The following RARB variants were observed in gnomAD, a reference collection of about 807,000 sequenced individuals.
RARB encodes the protein retinoic acid receptor beta.
A neutral mutation model predicts 51.9 loss-of-function variants in RARB; 17 were observed. That is an observed-to-expected ratio of 0.33 (90% CI 0.22 to 0.49). The LOEUF is 0.49. RARB is among the 20% of genes least tolerant of loss of function. The pLI, the probability that RARB is intolerant of heterozygous loss-of-function variation, is 0.99. For missense variants in RARB, 369 were observed against 550.8 expected, an observed-to-expected ratio of 0.67 and a Z score of 3.30; for synonymous variants, 215 against 195.4, an observed-to-expected ratio of 1.10 and a Z score of -0.84.
At chr3:25,431,737 GA>G (rs1357112418) in intron 1 of RARB, among the ~76,000 whole-genome samples, 1 of 151,992 alleles carries the variant, frequency 6.6e-6, no homozygotes, top group Non-Finnish European at 1.5e-5. Flanking sequence ...AAAGGAAAAA[GA>G]AAAAAATATT....
At chr3:25,253,341 G>A (rs1702777315) in intron 5 of RARB, among the ~76,000 whole-genome samples, 1 of 152,064 alleles carries the variant, frequency 6.6e-6, no homozygotes, top group Non-Finnish European at 1.5e-5. Context: ...GCATCAACAA[G>A]AAAATTTTAC....
Position 25,258,410 on chromosome 3 carries a change from G to A in RARB, c.178+83835G>A, listed in dbSNP as rs78594099. Among the ~76,000 whole-genome samples, 702 of 152,202 alleles carry A rather than the reference G, an allele frequency of 4.6e-3. 8 individuals carry two copies. Among genetic ancestry groups the A allele is most frequent in the Middle Eastern group, 0.014 (4 of 294 alleles). ...GTAGGCAGAATGCAGGATTCCTCAGGGAAATGTTAATCAGAATAGAAGCTG... is the reference window on the plus strand; with the variant it reads ...GTAGGCAGAATGCAGGATTCCTCAGAGAAATGTTAATCAGAATAGAAGCTG... On this transcript the variant is annotated intron_variant, in intron 5 of 11. Transcript: ENST00000383772.
chr3:25,186,725 G>A (rs1374078831), intron 5 of RARB, among the ~76,000 whole-genome samples: 1 of 151,672 alleles, frequency 6.6e-6, no homozygotes, highest in African/African-American at 2.4e-5. Flanking sequence ...ATAAATTGTA[G>A]AAAAGAAATG....
chr3:24,854,987 A>AT (rs1702613255), intron 1 of RARB, among the ~76,000 whole-genome samples: 1 of 152,188 alleles, frequency 6.6e-6, no homozygotes, highest in Admixed American at 6.5e-5. Flanking sequence ...AGGTTTGAGA[A>AT]TTACCATCCT....
At chr3:25,092,900 T>C (rs181467809) in intron 3 of RARB, among the ~76,000 whole-genome samples, 1 of 152,286 alleles carries the variant, frequency 6.6e-6, no homozygotes, top group East Asian at 1.9e-4. Flanking sequence ...AGATGACTTA[T>C]TCTACAGCTA....
chr3:25,164,346 C>T (rs1409590877), intron 4 of RARB, among the ~76,000 whole-genome samples: 1 of 152,156 alleles, frequency 6.6e-6, no homozygotes, highest in Non-Finnish European at 1.5e-5. Flanking sequence ...GTGTCCTTAA[C>T]CTGCTTCATA....
At chr3:25,222,536 AC>A (rs1701969546) in intron 5 of RARB, among the ~76,000 whole-genome samples, 3 of 152,132 alleles carry the variant, frequency 2.0e-5, no homozygotes. Flanking sequence ...CAATGATGCC[AC>A]TCCAATAAAT....
chr3:25,117,623 C>G (rs1202628523), intron 3 of RARB, among the ~76,000 whole-genome samples: 1 of 152,020 alleles, frequency 6.6e-6, no homozygotes, highest in Non-Finnish European at 1.5e-5. Flanking sequence ...ATTTTAGTGG[C>G]CAAGGAGAGA....
chr3:24,960,881 T>C (rs746946637), intron 2 of RARB, among the ~76,000 whole-genome samples: 2 of 152,130 alleles, frequency 1.3e-5, no homozygotes, highest in African/African-American at 4.8e-5. Flanking sequence ...TAAAAATGTT[T>C]GGTAGGATTG....
intron 5 of RARB, among the ~76,000 whole-genome samples, chr3:25,230,669 T>G (rs1702156834): frequency 1.3e-5 from 2 of 152,044 alleles, no homozygotes; most frequent in African/African-American, 4.8e-5. Context: ...GAAATATTCT[T>G]TGATTTATAG....
chr3:25,538,603 A>G (rs1435547922), intron 3 of RARB, among the ~76,000 whole-genome samples: 1 of 152,206 alleles, frequency 6.6e-6, no homozygotes, highest in Non-Finnish European at 1.5e-5. Flanking sequence ...AAACTTCAGC[A>G]ACTTGATACT....
At chr3:24,919,493 C>T (rs995386566) in intron 2 of RARB, among the ~76,000 whole-genome samples, 14 of 151,824 alleles carry the variant, frequency 9.2e-5, no homozygotes, top group East Asian at 1.9e-4. Context: ...GTAACCAATC[C>T]GGCTGTTTCT....
intron 5 of RARB, among the ~76,000 whole-genome samples, chr3:25,277,885 C>T (rs150842010): frequency 2.0e-5 from 3 of 152,306 alleles, no homozygotes; most frequent in African/African-American, 7.2e-5. Flanking sequence ...TTTATAGTCA[C>T]TACTCTCCCA....
intron 3 of RARB, among the ~76,000 whole-genome samples, chr3:25,552,223 G>A (rs2125669259): frequency 6.6e-6 from 1 of 152,208 alleles, no homozygotes; most frequent in Non-Finnish European, 1.5e-5. Context: ...CCTGAATTTG[G>A]TCAAAAGATT....
chr3:25,438,671 G>T (rs80192676), intron 1 of RARB, among the ~76,000 whole-genome samples: 22,462 of 152,104 alleles, frequency 0.15, 2,031 homozygotes, highest in Non-Finnish European at 0.21. Context: ...TTTTCTCTAG[G>T]CTCCATGTGC....
At position 24,990,432 on chromosome 3, in the gene RARB, T is replaced by A. The variant is rs540216700; in HGVS notation, c.-379-69693T>A. Among the ~76,000 whole-genome samples, 17 of 96,506 alleles carry A rather than the reference T, an allele frequency of 1.8e-4. 4 individuals are homozygous for A. The South Asian group carries it at 3.3e-3, about 19-fold the overall frequency. 63.3% of individuals were successfully genotyped at this position (96,506 alleles called of 152,430 possible). A position where few individuals can be genotyped will look rare whatever the true frequency, so the allele number is the denominator to read the frequency against. On this transcript the variant is annotated intron_variant, in intron 2 of 11. Transcript: ENST00000383772. Reference sequence around the variant, plus strand: ...ATGATAATCAAACTTTCCTACATTTTAAAAAAAATCCTGCCTAATCTAACA... The same window carrying A: ...ATGATAATCAAACTTTCCTACATTTAAAAAAAAATCCTGCCTAATCTAACA...
chr3:25,543,947 A>G (rs1360920793), intron 3 of RARB, among the ~76,000 whole-genome samples: 1 of 152,230 alleles, frequency 6.6e-6, no homozygotes, highest in Admixed American at 6.5e-5. Context: ...TTAAAGAGTA[A>G]TGAAAAATGT....
At chr3:25,275,726 G>A (rs1259997492) in intron 5 of RARB, among the ~76,000 whole-genome samples, 3 of 151,302 alleles carry the variant, frequency 2.0e-5, no homozygotes, top group Non-Finnish European at 4.4e-5. Flanking sequence ...TTGTTCAAAT[G>A]AGAACACTTG....
At chr3:25,085,287 T>C (rs980061620) in intron 3 of RARB, among the ~76,000 whole-genome samples, 8 of 152,194 alleles carry the variant, frequency 5.3e-5, no homozygotes, top group African/African-American at 1.7e-4. Flanking sequence ...ACATCCTACA[T>C]TGAAGCATGA....
Sources: allele counts gnomAD v4.1 joint callset (sites outside exome capture counted in the v4.1 genomes callset), GRCh38; gene constraint gnomAD v4.1.1; transcripts MANE v1.5; gene names NCBI Gene and HGNC (gene_info 2026-07-23, HGNC 2026-07-21).